NOLC1: variants seen among roughly 807,000 people sequenced by gnomAD.
The protein encoded by NOLC1 is 140 kDa nucleolar phosphoprotein.
A neutral mutation model predicts 73.4 loss-of-function variants in NOLC1; 37 were observed. The ratio of observed to expected loss-of-function variants is 0.50; its 90% CI spans 0.39 to 0.66. NOLC1 has a LOEUF of 0.66. Among genes scored for constraint, NOLC1 ranks in the 30% least tolerant of loss-of-function variants. The pLI is 0.00. For missense variants in NOLC1, 921 were observed against 838.9 expected (o/e 1.10, Z -1.21); for synonymous variants, 327 against 302.6 (o/e 1.08, Z -0.84).
chr10:102,162,300 A>G lies in NOLC1; in HGVS notation c.*31A>G. On this transcript the variant is annotated 3_prime_UTR_variant, in exon 13 of 13. Coordinates refer to ENST00000605788, the MANE Select transcript of NOLC1 (RefSeq NM_004741.5). ...GGCCATCTTCGGTGAAGCAAGGGTG[A>G]TGATCGGAGACTACTTACTTTCTCC... The G allele has an allele frequency of 2.5e-6, 4 of 1,607,378 alleles. No individual in the cohort carries two copies. The highest frequency in any genetic ancestry group is 1.3e-5 in the African/African-American group (1 of 74,888).
In NOLC1 at chr10:102,162,210, AGCTACCGGGGAG is replaced by A; in HGVS notation, c.2045_2056del (p.Tyr682_Gly685del). On this transcript the variant is annotated inframe_deletion, in exon 13 of 13. Coordinates refer to ENST00000605788, the MANE Select transcript of NOLC1 (RefSeq NM_004741.5). ...TGAGAAAACCAAGAAGAAGCGGGGC[AGCTACCGGGGAG>A]GCTCAATCTCTGTCCAGGTCAATTC... 1.2e-6 allele frequency: 2 copies of A among 1,614,158 alleles called. No individual in the cohort carries two copies. The highest frequency in any genetic ancestry group is 1.7e-6 in the Non-Finnish European group (2 of 1,180,022).
chr10:102,152,389 A>C lies in NOLC1; in HGVS notation c.-22A>C, dbSNP rs749648695. On this transcript the variant is annotated 5_prime_UTR_variant, in exon 1 of 13. Transcript: ENST00000605788. ...TGAGTCGTGCTGCGTCGACAACGGTAGTGACGCGTATTGCCTGGAGGATGG... is the reference window on the plus strand; with the variant it reads ...TGAGTCGTGCTGCGTCGACAACGGTCGTGACGCGTATTGCCTGGAGGATGG... 6.2e-7 allele frequency: 1 copy of C among 1,606,382 alleles called. No individual in the cohort carries two copies. The highest frequency in any genetic ancestry group is 2.2e-5 in the East Asian group (1 of 44,886).
At chr10:102,156,001 C>T (rs977940236) in intron 1 of NOLC1, among the ~76,000 whole-genome samples, 3 of 151,518 alleles carry the variant, frequency 2.0e-5, no homozygotes, top group South Asian at 2.1e-4. Flanking sequence ...GGATTACAGG[C>T]GCCTGCCACC....
At position 102,161,234 on chromosome 10, in the gene NOLC1, T is replaced by G. The variant is rs2069704528; in HGVS notation, c.1741+141T>G. 8 of 881,140 alleles carry G rather than the reference T, an allele frequency of 9.1e-6. No individual in the cohort carries two copies. The East Asian group carries it at 1.9e-4, about 21-fold the overall frequency. The allele number at this position is 881,140 out of a possible 1,614,324, so 54.6% of individuals were successfully genotyped here. On this transcript the variant is annotated intron_variant, in intron 10 of 12. Transcript: ENST00000605788. ...ACTGGGAGGAAGAACAGGAAACTGG[T>G]TACCTTTTTTTTTTTTTATTAGAGT... is the stretch of plus-strand genomic sequence containing the variant.
At chr10:102,157,782 G>C (rs1271607506) in intron 4 of NOLC1, among the ~76,000 whole-genome samples, 3 of 152,128 alleles carry the variant, frequency 2.0e-5, no homozygotes, top group Non-Finnish European at 4.4e-5. Flanking sequence ...CATTCTGCTT[G>C]AGGAGTTTGG....
Position 102,160,658 on chromosome 10 carries a change from G to A in NOLC1, c.1306G>A (p.Glu436Lys), listed in dbSNP as rs1355686206. The change falls in exon 10 of 13, where the codon GAG becomes AAG. Residue 436 changes from glutamate (E) to lysine (K), a missense_variant. By Grantham distance (56) the Glu-to-Lys change is moderately conservative. Transcript: ENST00000605788. Reference protein sequence around the residue: ...SEEESSSSEEEKTKKMVATTK... With the variant: ...SEEESSSSEEKKTKKMVATTK... ...GGAAGAGAGCAGCTCCAGTGAGGAG[G>A]AGAAGACAAAGAAGATGGTGGCCAC... is the stretch of plus-strand genomic sequence containing the variant. 6.2e-7 allele frequency: 1 copy of A among 1,614,214 alleles called. No individual in the cohort carries two copies. The highest frequency in any genetic ancestry group is 1.1e-5 in the South Asian group (1 of 91,084).
rs1293967290 is a variant in NOLC1 at position 102,162,800 on chromosome 10, CTG to C, written c.*533_*534del. The C allele has an allele frequency of 1.3e-5, 2 of 152,516 alleles. No individual in the cohort carries two copies. The highest frequency in any genetic ancestry group is 4.8e-5 in the African/African-American group (2 of 41,452). The allele number at this position is 152,516 out of a possible 1,614,324, so 9.4% of individuals were successfully genotyped here. ...AGAATTGTTGATGTATATGCAATGT[CTG>C]TTAAGCATGCACTATGTATTTCATC... On this transcript the variant is annotated 3_prime_UTR_variant, in exon 13 of 13. Transcript: ENST00000605788.
rs1049466 is a variant in NOLC1 at position 102,162,306 on chromosome 10, G to C, written c.*37G>C. Reference sequence around the variant, plus strand: ...CTTCGGTGAAGCAAGGGTGATGATCGGAGACTACTTACTTTCTCCAGTGGA... The same window carrying C: ...CTTCGGTGAAGCAAGGGTGATGATCCGAGACTACTTACTTTCTCCAGTGGA... On this transcript the variant is annotated 3_prime_UTR_variant, in exon 13 of 13. Coordinates refer to ENST00000605788, the MANE Select transcript of NOLC1 (RefSeq NM_004741.5). 86,977 of 1,603,032 alleles carry C rather than the reference G, an allele frequency of 0.054. 2,798 individuals are homozygous for C. The highest frequency in any genetic ancestry group is 0.12 in the African/African-American group (8,647 of 74,674).
At position 102,162,144 on chromosome 10, in the gene NOLC1, A is replaced by G; in HGVS notation, c.1975A>G (p.Asn659Asp). ...AGCCGGAGACTGGGGAGAGCGAGCC[A>G]ATCAGGTTTTGAAGTTCACCAAAGG... ...GAAGDWGERANQVLKFTKGKS... is the reference protein window; with the variant it reads ...GAAGDWGERADQVLKFTKGKS... Residue 659 changes from asparagine (N) to aspartate (D), a missense_variant, in exon 13 of 13, where the codon AAT (asparagine) becomes GAT (aspartate). Asn to Asp is a conservative substitution (Grantham distance 23). Transcript: ENST00000605788. 6.2e-7 allele frequency: 1 copy of G among 1,614,134 alleles called. No individual in the cohort carries two copies.
chr10:102,157,181 C>T lies in NOLC1; in HGVS notation c.177-8C>T, dbSNP rs1381977526. 4.3e-6 allele frequency: 7 copies of T among 1,613,882 alleles called. No homozygotes were observed. Among genetic ancestry groups the T allele is most frequent in the Admixed American group, 1.7e-5 (1 of 59,988 alleles). Reference sequence around the variant, plus strand: ...TCCCCTAGAAATTGGTCCAATCTACCTCAGCAGGTCTGCCAAGGTCCCAGA... The same window carrying T: ...TCCCCTAGAAATTGGTCCAATCTACTTCAGCAGGTCTGCCAAGGTCCCAGA... On this transcript the variant is annotated splice_polypyrimidine_tract_variant and splice_region_variant and intron_variant, in intron 2 of 12. Coordinates refer to ENST00000605788, the MANE Select transcript of NOLC1 (RefSeq NM_004741.5).
intron 4 of NOLC1, 148 bp from the exon 5 acceptor site, chr10:102,157,901 T>G: frequency 4.3e-6 from 3 of 700,330 alleles, no homozygotes; most frequent in Admixed American, 5.9e-5. Context: ...GGCTGAACTT[T>G]GTTGTTTTTT....
chr10:102,159,811 A>G, intron 7 of NOLC1, 85 bp from the exon 8 acceptor site: 1 of 1,349,694 alleles, frequency 7.4e-7, no homozygotes, highest in South Asian at 1.6e-5. Flanking sequence ...AGTGAAGGGG[A>G]ATTAAGCTTC....
chr10:102,157,759 A>C (rs1435105654), intron 4 of NOLC1, among the ~76,000 whole-genome samples: 2 of 152,130 alleles, frequency 1.3e-5, no homozygotes, highest in Non-Finnish European at 2.9e-5. Flanking sequence ...CCGAATCTAG[A>C]GGAAATTAAA....
intron 1 of NOLC1, among the ~76,000 whole-genome samples, chr10:102,156,769 A>G (rs1159649498): frequency 1.3e-5 from 2 of 152,154 alleles, no homozygotes; most frequent in East Asian, 1.9e-4. Flanking sequence ...ACTTTGATCA[A>G]TATAGATTGG....
intron 1 of NOLC1, among the ~76,000 whole-genome samples, chr10:102,154,511 A>C (rs2069558059): frequency 6.6e-6 from 1 of 151,436 alleles, no homozygotes; most frequent in Non-Finnish European, 1.5e-5. Flanking sequence ...ATCTGTACTG[A>C]CTCTGATCAT....
intron 1 of NOLC1, among the ~76,000 whole-genome samples, chr10:102,155,849 A>G (rs2069585575): frequency 6.6e-6 from 1 of 151,522 alleles, no homozygotes; most frequent in Non-Finnish European, 1.5e-5. Context: ...AGTACTTACT[A>G]GTCTTGTTTC....
At chr10:102,155,976 C>A (rs1001966767) in intron 1 of NOLC1, among the ~76,000 whole-genome samples, 5 of 151,910 alleles carry the variant, frequency 3.3e-5, no homozygotes, top group African/African-American at 1.2e-4. Flanking sequence ...TCTGCCTCAG[C>A]CTCCCGAGTA....
rs75642211 is a variant in NOLC1, at chr10:102,159,629, C to T, written c.859+61C>T. 3.4e-3 allele frequency: 5,275 copies of T among 1,539,682 alleles called. 170 individuals are homozygous for T. In the African/African-American group the frequency reaches 0.064, roughly 19 times the overall value. On this transcript the variant is annotated intron_variant, in intron 7 of 12. Transcript: ENST00000605788. ...GGTCAGGGCCCAGCTGCAGTAACCA[C>T]ATGGACCTCTCCATAGAGGTGCATG...
intron 1 of NOLC1, among the ~76,000 whole-genome samples, chr10:102,156,269 A>G (rs937935780): frequency 6.6e-6 from 1 of 152,114 alleles, no homozygotes; most frequent in African/African-American, 2.4e-5. Context: ...GAGTAAAGAG[A>G]GAGCCTTTTT....
Sources: gnomAD v4.1 joint callset for allele counts (sites outside exome capture counted in the v4.1 genomes callset) on GRCh38, gnomAD v4.1.1 for gene constraint, MANE v1.5 for transcripts, NCBI Gene and HGNC (gene_info 2026-07-23, HGNC 2026-07-21) for gene names.